SIGLEC11: variants seen among roughly 807,000 people sequenced by gnomAD.
The protein encoded by SIGLEC11 is sialic acid binding Ig like lectin 11.
SIGLEC11 carries 47 observed loss-of-function variants against 61.2 expected under a neutral mutation model. The ratio of observed to expected loss-of-function variants is 0.77; its 90% confidence interval spans 0.61 to 0.98. The LOEUF is 0.98. Ranked by LOEUF, SIGLEC11 falls within the 50% of genes least tolerant of loss-of-function variation. The probability of loss-of-function intolerance (pLI) is 0.00; values close to 1 mark genes in which losing one functional copy is unlikely to be tolerated. For synonymous variants in SIGLEC11, 278 were observed against 373.1 expected (o/e 0.75, Z 2.94); for missense variants, 610 against 870.3 (o/e 0.70, Z 3.76).
At position 49,958,374 on chromosome 19, in the gene SIGLEC11, G is replaced by C; in HGVS notation, c.1560C>G (p.Leu520=). The change falls in exon 8 of 11, where the codon CTC becomes CTG. Residue 520 remains leucine, a synonymous_variant. Coordinates refer to ENST00000447370, the MANE Select transcript of SIGLEC11 (RefSeq NM_052884.3). ...TGAGGCCGGAGCTGAGCCCTCCATG[G>C]AGGCTCAGGGAGCTGTTGGCCCAGG... ...AGPWANSSLS[L]HGGLSSGLRL... The C allele has an allele frequency of 3.7e-6, 6 of 1,614,190 alleles. No homozygotes were observed. Among genetic ancestry groups the C allele is most frequent in the Non-Finnish European group, 5.1e-6 (6 of 1,180,032 alleles).
Position 49,959,386 on chromosome 19 carries a change from T to TG in SIGLEC11, c.1030dup (p.Gln344ProfsTer126), listed in dbSNP as rs1402670200. ...CTGCACAGAGAGGTCCAGGGCTTGC[T>TG]GCTGGGAGCCAAGCCTGTTCTCCGC... On this transcript the variant is annotated frameshift_variant, in exon 5 of 11. Coordinates refer to ENST00000447370, the MANE Select transcript of SIGLEC11 (RefSeq NM_052884.3). LOFTEE classifies it high-confidence loss of function. The TG allele has an allele frequency of 5.6e-6, 9 of 1,596,922 alleles. No homozygotes were observed.
chr19:49,958,527 C>T lies in SIGLEC11; in HGVS notation c.1407G>A (p.Glu469=). ...GGGAGGAGCAGCTGCAGTGCAGACC[C>T]TCAGCCTCCCAGGAGCAGGAGGGGC... is the stretch of plus-strand genomic sequence containing the variant. The part of the protein sequence containing the change: ...LLGPSCSWEA[E]GLHCSCSSQA... The change falls in exon 8 of 11, where the codon GAG becomes GAA. Residue 469 remains glutamate (E), a synonymous_variant. Coordinates refer to ENST00000447370, the MANE Select transcript of SIGLEC11 (RefSeq NM_052884.3). The T allele has an allele frequency of 1.9e-6, 3 of 1,594,882 alleles. No homozygotes were observed. The highest frequency in any genetic ancestry group is 1.7e-6 in the Non-Finnish European group (2 of 1,170,918).
chr19:49,953,826 G>A (rs76262024), intron 8 of SIGLEC11, among the ~76,000 whole-genome samples: 1 of 152,028 alleles, frequency 6.6e-6, no homozygotes, highest in African/African-American at 2.4e-5. Flanking sequence ...AGGAATAGAA[G>A]GAAAGTCCAT....
rs751029900 is a variant in SIGLEC11 at position 49,950,104 on chromosome 19, A to T, written c.1963T>A (p.Trp655Arg). 7.4e-6 allele frequency: 12 copies of T among 1,612,578 alleles called. No homozygotes were observed. Among genetic ancestry groups the T allele is most frequent in the Admixed American group, 3.3e-5 (2 of 59,908 alleles). ...ASLSFQGLRL[W>R]EPADQEAPST... ...GGGGCCTCCTGGTCCGCAGGCTCCC[A>T]GAGCCTCAGGCCCTGGAAGCTGAGG... The change falls in exon 11 of 11, where the codon TGG (tryptophan) becomes AGG (arginine). Residue 655 changes from tryptophan to arginine, a missense_variant. By Grantham distance (101) the Trp-to-Arg change is moderately radical. Transcript: ENST00000447370.
chr19:49,957,109 G>A (rs756766297), intron 8 of SIGLEC11, among the ~76,000 whole-genome samples: 18 of 152,252 alleles, frequency 1.2e-4, no homozygotes, highest in Non-Finnish European at 2.2e-4. Context: ...GGAAGTTGCC[G>A]AATACTCCCT....
At position 49,952,409 on chromosome 19, in the gene SIGLEC11, G is replaced by A. The variant is rs775754864; in HGVS notation, c.1652-15C>T. On this transcript the variant is annotated splice_polypyrimidine_tract_variant and intron_variant, in intron 8 of 10. Coordinates refer to ENST00000447370, the MANE Select transcript of SIGLEC11 (RefSeq NM_052884.3). ...CTCCAGCTTCCCTGCATGGGAGCAG[G>A]GTTTGGGGTGGTGCCCTCCTGGCCC... 5 of 1,595,932 alleles carry A rather than the reference G, an allele frequency of 3.1e-6. No homozygotes were observed. In the East Asian group the frequency reaches 1.1e-4, roughly 36 times the overall value.
chr19:49,952,236 G>T, intron 9 of SIGLEC11, 62 bp downstream of exon 9: 2 of 1,522,634 alleles, frequency 1.3e-6, no homozygotes, highest in Non-Finnish European at 1.8e-6. Flanking sequence ...AGCTGGGACT[G>T]TCTGGGATTC....
intron 6 of SIGLEC11, 60 bp downstream of exon 6, chr19:49,958,970 A>G: frequency 1.2e-6 from 2 of 1,613,324 alleles, no homozygotes; most frequent in Non-Finnish European, 1.7e-6. Flanking sequence ...GGGACCCTCC[A>G]GACTCCTGGG....
At chr19:49,958,262 A>G (rs1348296456) in intron 8 of SIGLEC11, 21 bp downstream of exon 8, 2 of 1,608,740 alleles carry the variant, frequency 1.2e-6, no homozygotes, top group African/African-American at 2.7e-5. Flanking sequence ...CCTGAACCTC[A>G]GCCCCCCACA....
At chr19:49,957,178 G>C (rs796711124) in intron 8 of SIGLEC11, among the ~76,000 whole-genome samples, 1 of 152,106 alleles carries the variant, frequency 6.6e-6, no homozygotes, top group Non-Finnish European at 1.5e-5. Context: ...ATAGCAGCTA[G>C]GCAAACTACC....
At position 49,955,228 on chromosome 19, in the gene SIGLEC11, T is replaced by C. The variant is rs930119307; in HGVS notation, c.1652-2834A>G. Among the ~76,000 whole-genome samples, 1 of 145,732 alleles carries C rather than the reference T, an allele frequency of 6.9e-6. No homozygotes were observed. Among genetic ancestry groups the C allele is most frequent in the Non-Finnish European group, 1.5e-5 (1 of 67,264 alleles). On this transcript the variant is annotated intron_variant, in intron 8 of 10. Transcript: ENST00000447370. The surrounding 1 kb of genome is among the most constrained non-coding windows in gnomAD (Gnocchi z 4.5). The stretch of plus-strand genomic sequence containing the variant: ...AGCAACAAGCGAGGCACCAAGCAGC[T>C]AGGCACACCAAGGGTTTAGTCCCTC...
chr19:49,955,717 A>G lies in SIGLEC11; in HGVS notation c.1651+2566T>C, dbSNP rs993430113. ...TGGGAGGCCGAGGTGGACAGATCACAGGGTCAGGAGATTGAGACCATCCTG... is the reference window on the plus strand; with the variant it reads ...TGGGAGGCCGAGGTGGACAGATCACGGGGTCAGGAGATTGAGACCATCCTG... On this transcript the variant is annotated intron_variant, in intron 8 of 10. Transcript: ENST00000447370. This position sits in a 1 kb window ranked among gnomAD's most constrained non-coding sequence, Gnocchi z 4.5. 1.3e-5 allele frequency among the ~76,000 whole-genome samples: 2 copies of G among 152,172 alleles called. No homozygotes were observed. The highest frequency in any genetic ancestry group is 1.3e-4 in the Admixed American group (2 of 15,292).
chr19:49,954,683 A>G (rs898789380), intron 8 of SIGLEC11, among the ~76,000 whole-genome samples: 11 of 152,116 alleles, frequency 7.2e-5, no homozygotes, highest in African/African-American at 2.7e-4. Flanking sequence ...ACACAGTCCA[A>G]CCTGGCCAGA....
At chr19:49,957,333 A>C (rs1234417453) in intron 8 of SIGLEC11, among the ~76,000 whole-genome samples, 4 of 152,278 alleles carry the variant, frequency 2.6e-5, no homozygotes, top group East Asian at 3.9e-4. Context: ...CAAAAATTTA[A>C]AAATAAATAT....
In SIGLEC11 at chr19:49,958,939, G is replaced by A. The variant is rs759399184; in HGVS notation, c.1106-39C>T. ...AGGCAGAATCGACGTGCAGCTCAGG[G>A]CTCAGGGACCCTCCTGTGTGGGGAC... On this transcript the variant is annotated intron_variant, in intron 6 of 10. Transcript: ENST00000447370. 18 of 1,610,670 alleles carry A rather than the reference G, an allele frequency of 1.1e-5. No individual in the cohort carries two copies. The South Asian group carries it at 1.9e-4, about 17-fold the overall frequency.
chr19:49,952,162 C>A, intron 9 of SIGLEC11, 136 bp downstream of exon 9: 2 of 1,068,472 alleles, frequency 1.9e-6, no homozygotes, highest in Non-Finnish European at 2.7e-6. Context: ...TGGAGCAGAC[C>A]CCTGCTCTGA....
In SIGLEC11 at chr19:49,956,197, G is replaced by A. The variant is rs148597782; in HGVS notation, c.1651+2086C>T. Among the ~76,000 whole-genome samples the A allele has an allele frequency of 1.9e-3, 296 of 152,306 alleles. 1 individual carries two copies. Among genetic ancestry groups the A allele is most frequent in the African/African-American group, 6.4e-3 (266 of 41,552 alleles). On this transcript the variant is annotated intron_variant, in intron 8 of 10. Coordinates refer to ENST00000447370, the MANE Select transcript of SIGLEC11 (RefSeq NM_052884.3). ...CGAACCGACGCCCACAAGTTCAAGCGTCTGGCTCTTAAAAACTTCTATTAT... is the reference window on the plus strand; with the variant it reads ...CGAACCGACGCCCACAAGTTCAAGCATCTGGCTCTTAAAAACTTCTATTAT...
chr19:49,951,398 T>A lies in SIGLEC11; in HGVS notation c.1830+493A>T, dbSNP rs1006548215. Among the ~76,000 whole-genome samples, 1 of 152,142 alleles carries A rather than the reference T, an allele frequency of 6.6e-6. No homozygotes were observed. Among genetic ancestry groups the A allele is most frequent in the African/African-American group, 2.4e-5 (1 of 41,434 alleles). On this transcript the variant is annotated intron_variant, in intron 10 of 10. Transcript: ENST00000447370. This position sits in a 1 kb window ranked among gnomAD's most constrained non-coding sequence, Gnocchi z 4.6. ...CATCTGTATCGGTCACTATAAACCA[T>A]CACCACGAGGATCACAGCTCTCAGT...
chr19:49,952,482 C>T, intron 8 of SIGLEC11, 88 bp from the exon 9 acceptor site: 2 of 904,802 alleles, frequency 2.2e-6, no homozygotes, highest in Non-Finnish European at 3.4e-6. Context: ...CTCTCGGATT[C>T]TTCATCCCCA....
Sources: gnomAD v4.1 joint callset for allele counts (sites outside exome capture counted in the v4.1 genomes callset) on GRCh38, gnomAD v4.1.1 for gene constraint, Gnocchi (gnomAD v3.1) non-coding constraint, MANE v1.5 for transcripts, NCBI Gene and HGNC (gene_info 2026-07-23, HGNC 2026-07-21) for gene names.